Variants in SIRT2 observed in about 807,000 individuals in gnomAD.
SIRT2 encodes the protein sirtuin 2, also known as NAD-dependent protein deacetylase sirtuin-2.
A neutral mutation model predicts 57.4 loss-of-function variants in SIRT2; 40 were observed. The observed-to-expected ratio is 0.70, with a 90% confidence interval of 0.54 to 0.91. SIRT2 has a LOEUF of 0.91. SIRT2 is among the 40% of genes least tolerant of loss of function. SIRT2 has a pLI of 0.00. For missense variants in SIRT2, 439 were observed against 510.4 expected (o/e 0.86, Z 1.35); for synonymous variants, 161 against 195.7 (o/e 0.82, Z 1.48).
At chr19:38,896,812 C>T (rs748977231) in intron 2 of SIRT2, among the ~76,000 whole-genome samples, 3 of 152,176 alleles carry the variant, frequency 2.0e-5, no homozygotes, top group South Asian at 2.1e-4. Flanking sequence ...TTCTGATGCC[C>T]GCTTCTGCAC....
intron 4 of SIRT2, among the ~76,000 whole-genome samples, chr19:38,892,603 T>C (rs1305520483): frequency 6.6e-6 from 1 of 152,154 alleles, no homozygotes. Flanking sequence ...AGTCAGAGTC[T>C]CACTGTGTTG....
At chr19:38,899,011 A>G (rs1457889460) in intron 1 of SIRT2, 2 of 192,948 alleles carry the variant, frequency 1.0e-5, no homozygotes, top group East Asian at 2.6e-4. Flanking sequence ...TAGATTTACA[A>G]GGCAGAGGGA....
chr19:38,885,514 C>T (rs1973302210), intron 8 of SIRT2, among the ~76,000 whole-genome samples: 1 of 151,630 alleles, frequency 6.6e-6, no homozygotes, highest in Admixed American at 6.6e-5. Flanking sequence ...CAACCACTGC[C>T]TCCTGAGTTC....
intron 1 of SIRT2, 113 bp from the exon 2 acceptor site, chr19:38,898,538 G>C: frequency 2.2e-6 from 1 of 454,800 alleles, no homozygotes; most frequent in Non-Finnish European, 3.9e-6. Context: ...GTTACACTGG[G>C]ATGGGATGGT....
chr19:38,880,649 G>T lies in SIRT2; in HGVS notation c.876+36C>A. On this transcript the variant is annotated intron_variant, in intron 13 of 15. Transcript: ENST00000249396. The surrounding 1 kb of genome is among the most constrained non-coding windows in gnomAD (Gnocchi z 4.1). Reference sequence around the variant, plus strand: ...GGAAAAGGGTGAGAGGGAAGGGGGAGCCTGTGACGACGGGGGCTTGAAGAA... The same window carrying T: ...GGAAAAGGGTGAGAGGGAAGGGGGATCCTGTGACGACGGGGGCTTGAAGAA... 2 of 1,482,972 alleles carry T rather than the reference G, an allele frequency of 1.3e-6. No individual in the cohort carries two copies. The highest frequency in any genetic ancestry group is 1.8e-6 in the Non-Finnish European group (2 of 1,097,318). 91.9% of individuals were successfully genotyped at this position (1,482,972 alleles called of 1,614,324 possible).
At position 38,881,466 on chromosome 19, in the gene SIRT2, G is replaced by A; in HGVS notation, c.657C>T (p.Pro219=). Residue 219 remains proline (P), a synonymous_variant, in exon 10 of 16, where the codon CCC becomes CCT. Transcript: ENST00000249396. ...MKEKIFSEVT[P]KCEDCQSLVK... is the part of the protein sequence containing the mutation. The stretch of plus-strand genomic sequence containing the variant: ...CCAGGCTCTGACAGTCTTCACACTT[G>A]GGCGTCACCTCAGAGAAGATCTTCT... The A allele has an allele frequency of 6.2e-7, 1 of 1,613,916 alleles. No individual in the cohort carries two copies. The highest frequency in any genetic ancestry group is 8.5e-7 in the Non-Finnish European group (1 of 1,179,910).
chr19:38,887,392 A>G (rs1600115577), intron 8 of SIRT2, among the ~76,000 whole-genome samples: 1 of 152,184 alleles, frequency 6.6e-6, no homozygotes, highest in Non-Finnish European at 1.5e-5. Context: ...GCAAGCTGTT[A>G]TCATATCTGA....
At chr19:38,881,006 A>T (rs537367346) in intron 11 of SIRT2, 94 bp downstream of exon 11, 8 of 1,544,202 alleles carry the variant, frequency 5.2e-6, no homozygotes, top group Non-Finnish European at 7.1e-6. Context: ...TGGGGAGGTG[A>T]CCTTTCCTGA....
chr19:38,887,054 C>T (rs1255182705), intron 8 of SIRT2, among the ~76,000 whole-genome samples: 1 of 152,166 alleles, frequency 6.6e-6, no homozygotes, highest in East Asian at 1.9e-4. Flanking sequence ...TCTCATGCCT[C>T]AGCCTCCTGA....
chr19:38,890,913 G>A (rs1479947499), intron 4 of SIRT2, among the ~76,000 whole-genome samples: 2 of 152,224 alleles, frequency 1.3e-5, no homozygotes, highest in Non-Finnish European at 2.9e-5. Context: ...GGGATGCCCT[G>A]TCCAAGGGAG....
intron 2 of SIRT2, chr19:38,894,965 C>A (rs1568406495): frequency 2.2e-6 from 1 of 455,516 alleles, no homozygotes; most frequent in African/African-American, 2.0e-5. Flanking sequence ...CTACTATGTC[C>A]CAAATGGACC....
At chr19:38,899,481 C>T (rs987369323) in intron 1 of SIRT2, 25 bp downstream of exon 1, 1 of 1,612,328 alleles carries the variant, frequency 6.2e-7, no homozygotes, top group Non-Finnish European at 8.5e-7. Context: ...GCGGCCCGAC[C>T]CTCCTACCCG....
In SIRT2 at chr19:38,899,455, T is replaced by C. The variant is rs933520865; in HGVS notation, c.16+51A>G. ...CCTTGGGCCCCGGGGCCTGCAGCAT[T>C]CAGCCAGGCCCCGGCGCGGCCCGAC... On this transcript the variant is annotated intron_variant, in intron 1 of 15. Coordinates refer to ENST00000249396, the MANE Select transcript of SIRT2 (RefSeq NM_012237.4). The C allele has an allele frequency of 2.5e-6, 4 of 1,608,402 alleles. No homozygotes were observed. The African/African-American group carries it at 4.0e-5, about 16-fold the overall frequency.
At chr19:38,898,957 T>G in intron 1 of SIRT2, 1 of 169,230 alleles carries the variant, frequency 5.9e-6, no homozygotes, top group Non-Finnish European at 1.3e-5. Context: ...TCAGGAGGAG[T>G]TAGGAAGGAC....
Position 38,899,418 on chromosome 19 carries a change from C to T in SIRT2, c.16+88G>A, listed in dbSNP as rs1416930999. 3.4e-6 allele frequency: 5 copies of T among 1,481,942 alleles called. No homozygotes were observed. In the African/African-American group the frequency reaches 5.6e-5, roughly 16 times the overall value. The allele number at this position is 1,481,942 out of a possible 1,614,324, so 91.8% of individuals were successfully genotyped here. A position where few individuals can be genotyped will look rare whatever the true frequency, so the allele number is the denominator to read the frequency against. The stretch of plus-strand genomic sequence containing the variant: ...CCGAAGCGCTCCCTACTTCCCGCCC[C>T]ACCGCGGCCACCCTTGGGCCCCGGG... On this transcript the variant is annotated intron_variant, in intron 1 of 15. Coordinates refer to ENST00000249396, the MANE Select transcript of SIRT2 (RefSeq NM_012237.4).
Position 38,880,947 on chromosome 19 carries a change from G to A in SIRT2, c.748-50C>T, listed in dbSNP as rs535569038. ...GAGCCTCCGCCCAGGCTGCGCCACC[G>A]CTCCCTCCCCCGCCCCCAGCAGCAA... On this transcript the variant is annotated intron_variant, in intron 11 of 15. Coordinates refer to ENST00000249396, the MANE Select transcript of SIRT2 (RefSeq NM_012237.4). This position sits in a 1 kb window ranked among gnomAD's most constrained non-coding sequence, Gnocchi z 4.1. 5.1e-6 allele frequency: 8 copies of A among 1,581,052 alleles called. No homozygotes were observed. Among genetic ancestry groups the A allele is most frequent in the Admixed American group, 1.7e-5 (1 of 59,686 alleles).
rs200814071 is a variant in SIRT2, at chr19:38,889,959, C to A, written c.271G>T (p.Ala91Ser). ...CLVGAGISTS[A>S]GIPDFRSPST... ...GGAGAGCGAAAGTCGGGGATGCCTG[C>A]GGCTAGGAAAGGGGGGTCAGGGAGC... Residue 91 changes from alanine (A) to serine (S), a missense_variant and splice_region_variant, in exon 6 of 16, where the codon GCA (alanine) becomes TCA (serine). Transcript: ENST00000249396. 8 of 1,613,976 alleles carry A rather than the reference C, an allele frequency of 5.0e-6. No individual in the cohort carries two copies. The highest frequency in any genetic ancestry group is 1.1e-5 in the South Asian group (1 of 91,082).
chr19:38,884,041 T>A (rs2144675158), intron 8 of SIRT2, among the ~76,000 whole-genome samples: 1 of 148,004 alleles, frequency 6.8e-6, no homozygotes, highest in African/African-American at 2.5e-5. Flanking sequence ...GGTGGGAGGA[T>A]CACTTGAGGC....
rs1973010831 is a variant in SIRT2 at position 38,878,620 on chromosome 19, A to G, written c.*535T>C. 1 of 152,784 alleles carries G rather than the reference A, an allele frequency of 6.5e-6. No individual in the cohort carries two copies. The highest frequency in any genetic ancestry group is 2.4e-5 in the African/African-American group (1 of 41,480). 9.5% of individuals were successfully genotyped at this position (152,784 alleles called of 1,614,324 possible). ...AAGCAATGTCTTCTGCCCATCCAGC[A>G]TGGGAAGTGGGTCCCACGTGAAGGG... is the stretch of plus-strand genomic sequence containing the variant. On this transcript the variant is annotated 3_prime_UTR_variant, in exon 16 of 16. Transcript: ENST00000249396.
Sources: gnomAD v4.1 joint callset for allele counts (sites outside exome capture counted in the v4.1 genomes callset) on GRCh38, gnomAD v4.1.1 for gene constraint, Gnocchi (gnomAD v3.1) non-coding constraint, MANE v1.5 for transcripts, NCBI Gene and HGNC (gene_info 2026-07-23, HGNC 2026-07-21) for gene names.